Variants in KHDRBS3 observed in about 807,000 individuals in gnomAD.
KHDRBS3 encodes KH RNA binding domain containing, signal transduction associated 3.
KHDRBS3 carries 23 observed loss-of-function variants against 45.6 expected under a neutral mutation model. That is an observed-to-expected ratio of 0.50 (90% CI 0.36 to 0.72). The LOEUF (loss-of-function observed/expected upper bound fraction) is 0.72, where lower values mean the gene tolerates loss of function less well. Ranked by LOEUF, KHDRBS3 falls within the 30% of genes least tolerant of loss-of-function variation. KHDRBS3 has a pLI of 0.00. For synonymous variants in KHDRBS3, 162 were observed against 156.5 expected (o/e 1.04, Z -0.26); for missense variants, 352 against 424.8 (o/e 0.83, Z 1.51).
At chr8:135,503,568 G>GA (rs1298625996) in intron 1 of KHDRBS3, among the ~76,000 whole-genome samples, 1 of 143,740 alleles carries the variant, frequency 7.0e-6, no homozygotes, top group Admixed American at 7.0e-5. Flanking sequence ...AAGTTTTTTT[G>GA]TTTTTTTTTT....
At chr8:135,535,984 T>G (rs1825726354) in intron 2 of KHDRBS3, among the ~76,000 whole-genome samples, 1 of 152,052 alleles carries the variant, frequency 6.6e-6, no homozygotes, top group Admixed American at 6.5e-5. Context: ...GGGGAAGTGG[T>G]TTCTTTATTT....
intron 6 of KHDRBS3, among the ~76,000 whole-genome samples, chr8:135,596,206 T>A (rs544162899): frequency 4.6e-4 from 70 of 152,328 alleles, no homozygotes; most frequent in African/African-American, 1.5e-3. Context: ...ACACAGTGGA[T>A]GTCTTAGGAC....
At chr8:135,515,807 A>C (rs1199109442) in intron 1 of KHDRBS3, among the ~76,000 whole-genome samples, 1 of 152,206 alleles carries the variant, frequency 6.6e-6, no homozygotes, top group East Asian at 1.9e-4. Flanking sequence ...CACGTGGTTA[A>C]GAGATTTAAA....
rs74878769 is a variant in KHDRBS3, at chr8:135,528,416, T to A, written c.207+7061T>A. ...AATCATCGTGGATTTACAGATTTCC[T>A]AGGATAGGGAATATTTTACAGTCAT... On this transcript the variant is annotated intron_variant, in intron 2 of 8. Coordinates refer to ENST00000355849, the MANE Select transcript of KHDRBS3 (RefSeq NM_006558.3). Among the ~76,000 whole-genome samples the A allele has an allele frequency of 2.0e-3, 304 of 152,308 alleles. 8 individuals carry two copies. The East Asian group carries it at 0.046, about 23-fold the overall frequency.
At chr8:135,635,556 T>C (rs1196871354) in intron 7 of KHDRBS3, among the ~76,000 whole-genome samples, 1 of 152,150 alleles carries the variant, frequency 6.6e-6, no homozygotes, top group Non-Finnish European at 1.5e-5. Flanking sequence ...GCTAATTTTG[T>C]ATTTTTAGTG....
At chr8:135,622,772 A>AATCC (rs1395589502) in intron 7 of KHDRBS3, among the ~76,000 whole-genome samples, 2 of 152,102 alleles carry the variant, frequency 1.3e-5, no homozygotes, top group Non-Finnish European at 2.9e-5. Context: ...AGAGCCAAGT[A>AATCC]ATCCAATACC....
At chr8:135,595,949 C>T (rs1041236816) in intron 6 of KHDRBS3, among the ~76,000 whole-genome samples, 1 of 152,012 alleles carries the variant, frequency 6.6e-6, no homozygotes, top group Non-Finnish European at 1.5e-5. Flanking sequence ...CTGAGCATGA[C>T]TACAAAAGGT....
At chr8:135,589,940 G>A (rs1828670902) in intron 6 of KHDRBS3, among the ~76,000 whole-genome samples, 1 of 152,154 alleles carries the variant, frequency 6.6e-6, no homozygotes, top group Non-Finnish European at 1.5e-5. Context: ...TCCACTTAGT[G>A]AACTAATAAG....
At chr8:135,541,603 C>G (rs1404012744) in intron 2 of KHDRBS3, 1 of 152,142 alleles carries the variant, frequency 6.6e-6, no homozygotes, top group Non-Finnish European at 1.5e-5. Flanking sequence ...GAACAATTTT[C>G]TCTCAGAAAC....
intron 2 of KHDRBS3, chr8:135,540,648 AG>A (rs1011698548): frequency 6.6e-6 from 1 of 152,262 alleles, no homozygotes; most frequent in Admixed American, 6.5e-5. Context: ...TGGGATTCCC[AG>A]TATTCTGGCA....
At chr8:135,542,427 C>T in intron 2 of KHDRBS3, 1 of 448,116 alleles carries the variant, frequency 2.2e-6, no homozygotes, top group Non-Finnish European at 4.0e-6. Flanking sequence ...TGGAATATAG[C>T]CATCACTGAA....
intron 6 of KHDRBS3, among the ~76,000 whole-genome samples, chr8:135,598,308 C>T (rs1001013452): frequency 3.9e-5 from 6 of 152,210 alleles, no homozygotes; most frequent in Admixed American, 2.0e-4. Context: ...CTATGCCAAA[C>T]AATTTTCATA....
chr8:135,612,817 C>T (rs541191656), intron 7 of KHDRBS3, among the ~76,000 whole-genome samples: 18 of 151,822 alleles, frequency 1.2e-4, no homozygotes, highest in African/African-American at 4.1e-4. Context: ...ACCCTTGACC[C>T]GTGGCCAGTC....
chr8:135,654,731 C>T (rs1287304997), intron 4 of KHDRBS3, among the ~76,000 whole-genome samples: 1 of 152,084 alleles, frequency 6.6e-6, no homozygotes, highest in Non-Finnish European at 1.5e-5. Flanking sequence ...AGGGCTGGCC[C>T]GTGGTGGGGC....
Position 135,457,836 on chromosome 8 carries a change from G to T in KHDRBS3, c.-31G>T. On this transcript the variant is annotated 5_prime_UTR_variant, in exon 1 of 9. Transcript: ENST00000355849. This position sits in a 1 kb window ranked among gnomAD's most constrained non-coding sequence, Gnocchi z 4.4. ...GGGCGCCGCCCCCCGTGCGCCTGGA[G>T]TCCACATCCCGGGCCCGGCGGCCGG... 2.0e-6 allele frequency: 3 copies of T among 1,508,424 alleles called. No individual in the cohort carries two copies. The highest frequency in any genetic ancestry group is 1.8e-4 in the Middle Eastern group (1 of 5,624). 93.4% of individuals were successfully genotyped at this position (1,508,424 alleles called of 1,614,324 possible). A position where few individuals can be genotyped will look rare whatever the true frequency, so the allele number is the denominator to read the frequency against.
rs750639225 is a variant in KHDRBS3 at position 135,520,289 on chromosome 8, A to G, written c.89-948A>G. On this transcript the variant is annotated intron_variant, in intron 1 of 8. Coordinates refer to ENST00000355849, the MANE Select transcript of KHDRBS3 (RefSeq NM_006558.3). ...TATCCTTCTCTGAACCTGGGTGTCTATAGGTTGGTGCTTGGAGGTAACAGT... is the reference window on the plus strand; with the variant it reads ...TATCCTTCTCTGAACCTGGGTGTCTGTAGGTTGGTGCTTGGAGGTAACAGT... Among the ~76,000 whole-genome samples, 58 of 152,122 alleles carry G rather than the reference A, an allele frequency of 3.8e-4. 1 individual carries two copies. Among genetic ancestry groups the G allele is most frequent in the Non-Finnish European group, 6.3e-4 (43 of 68,016 alleles).
At chr8:135,625,364 T>C (rs1002454568) in intron 7 of KHDRBS3, 1 of 904,998 alleles carries the variant, frequency 1.1e-6, no homozygotes, top group African/African-American at 1.6e-5. Flanking sequence ...CTCCAAGTCT[T>C]CAACGGTAAG....
chr8:135,467,448 C>A (rs562739057), intron 1 of KHDRBS3, among the ~76,000 whole-genome samples: 2 of 152,340 alleles, frequency 1.3e-5, no homozygotes, highest in South Asian at 4.1e-4. Context: ...TTTTACAGGA[C>A]CCAAGTCAAG....
At chr8:135,591,300 G>A (rs1828732073) in intron 6 of KHDRBS3, among the ~76,000 whole-genome samples, 1 of 152,224 alleles carries the variant, frequency 6.6e-6, no homozygotes, top group African/African-American at 2.4e-5. Flanking sequence ...TTATTATACA[G>A]AATTTTGAGC....
Sources: allele counts gnomAD v4.1 joint callset (sites outside exome capture counted in the v4.1 genomes callset), GRCh38; gene constraint gnomAD v4.1.1; non-coding constraint Gnocchi (gnomAD v3.1); transcripts MANE v1.5; gene names NCBI Gene and HGNC (gene_info 2026-07-23, HGNC 2026-07-21).